ATP13A4: variants seen among roughly 807,000 people sequenced by gnomAD.
ATP13A4 encodes the protein probable cation-transporting ATPase 13A4.
A neutral mutation model predicts 142.5 loss-of-function variants in ATP13A4; 114 were observed. The observed-to-expected ratio is 0.80, with a 90% CI of 0.69 to 0.93. The LOEUF is 0.93. ATP13A4 is among the 40% of genes least tolerant of loss of function. The probability of loss-of-function intolerance (pLI) is 0.00; values close to 1 mark genes in which losing one functional copy is unlikely to be tolerated. For missense variants in ATP13A4, 1,392 were observed against 1,454.0 expected (o/e 0.96, Z 0.69); for synonymous variants, 488 against 514.8 (o/e 0.95, Z 0.70).
At chr3:193,442,361 T>TA (rs762930261) in intron 19 of ATP13A4, 32 bp downstream of exon 19, 11 of 1,599,016 alleles carry the variant, frequency 6.9e-6, no homozygotes, top group Non-Finnish European at 9.4e-6. Flanking sequence ...GACACATTGA[T>TA]AATGTGGCAG....
intron 27 of ATP13A4, among the ~76,000 whole-genome samples, chr3:193,411,758 C>T (rs1714777452): frequency 6.6e-6 from 1 of 152,152 alleles, no homozygotes; most frequent in Non-Finnish European, 1.5e-5. Context: ...CAGGCTGGAC[C>T]CACTAGCAGC....
In ATP13A4 at chr3:193,540,122, C is replaced by G. The variant is rs535583489; in HGVS notation, c.60+14618G>C. 2.6e-5 allele frequency among the ~76,000 whole-genome samples: 4 copies of G among 152,074 alleles called. No individual in the cohort carries two copies. The South Asian group carries it at 8.3e-4, about 32-fold the overall frequency. ...GGAATTTTCACTTTTATTTATTCCT[C>G]ATAGGGTAGGAACAGCAGGGAGAAG... On this transcript the variant is annotated intron_variant, in intron 1 of 29. Transcript: ENST00000342695.
chr3:193,403,010 G>T, intron 29 of ATP13A4, 146 bp from the exon 30 acceptor site: 1 of 751,136 alleles, frequency 1.3e-6, no homozygotes, highest in South Asian at 1.6e-5. Context: ...ATCTAAGGTG[G>T]TTTCATTGGA....
chr3:193,423,516 T>G (rs919738247), intron 25 of ATP13A4, among the ~76,000 whole-genome samples: 6 of 149,788 alleles, frequency 4.0e-5, no homozygotes, highest in African/African-American at 1.5e-4. Flanking sequence ...CACCCCAAGA[T>G]GCAAGGATGG....
chr3:193,484,122 TG>T, intron 7 of ATP13A4, 117 bp from the exon 8 acceptor site: 2 of 873,736 alleles, frequency 2.3e-6, no homozygotes, highest in Non-Finnish European at 3.8e-6. Context: ...TTGAATGGAA[TG>T]TACTGGCTAA....
chr3:193,514,957 G>C, intron 1 of ATP13A4, 86 bp from the exon 2 acceptor site: 2 of 1,460,802 alleles, frequency 1.4e-6, no homozygotes, highest in Non-Finnish European at 1.9e-6. Flanking sequence ...GATGGAAATG[G>C]GGGCAGAGTG....
At chr3:193,507,656 G>A (rs776440752) in intron 2 of ATP13A4, among the ~76,000 whole-genome samples, 33 of 152,290 alleles carry the variant, frequency 2.2e-4, no homozygotes, top group Non-Finnish European at 1.2e-4. Context: ...GGGATTTGGG[G>A]CTTGCTCATT....
chr3:193,431,994 T>C (rs1462866281), intron 25 of ATP13A4, among the ~76,000 whole-genome samples: 35 of 151,800 alleles, frequency 2.3e-4, no homozygotes, highest in Admixed American at 2.3e-3. Context: ...TACATAACTG[T>C]TTGGGAAGTT....
intron 2 of ATP13A4, among the ~76,000 whole-genome samples, chr3:193,576,806 A>G (rs1379131240): frequency 1.3e-5 from 2 of 152,158 alleles, no homozygotes; most frequent in Non-Finnish European, 2.9e-5. Context: ...CAACTCATAA[A>G]AGCATTCTAC....
chr3:193,433,976 T>C lies in ATP13A4; in HGVS notation c.2770-59A>G, dbSNP rs1716116809. On this transcript the variant is annotated intron_variant, in intron 24 of 29. Coordinates refer to ENST00000342695, the MANE Select transcript of ATP13A4 (RefSeq NM_032279.4). ...GTGACCTTCTGGATGAAATTAGATATTGATTACATTTATTTTCTCACTGTG... is the reference window on the plus strand; with the variant it reads ...GTGACCTTCTGGATGAAATTAGATACTGATTACATTTATTTTCTCACTGTG... 3 of 1,284,160 alleles carry C rather than the reference T, an allele frequency of 2.3e-6. No homozygotes were observed. In the Admixed American group the frequency reaches 5.0e-5, roughly 22 times the overall value. The allele number at this position is 1,284,160 out of a possible 1,614,324, so 79.5% of individuals were successfully genotyped here. A position where few individuals can be genotyped will look rare whatever the true frequency, so the allele number is the denominator to read the frequency against.
chr3:193,531,334 GGA>G (rs1333144247), intron 1 of ATP13A4, among the ~76,000 whole-genome samples: 6 of 131,394 alleles, frequency 4.6e-5, no homozygotes, highest in Admixed American at 3.8e-4. Context: ...AAGGAAGGAA[GGA>G]AGGGAGGAAG....
intron 26 of ATP13A4, 103 bp from the exon 27 acceptor site, chr3:193,412,474 T>G (rs1441081552): frequency 1.0e-6 from 1 of 984,614 alleles, no homozygotes; most frequent in African/African-American, 1.6e-5. Context: ...GAGCAGGCAC[T>G]CAATGCTTCT....
chr3:193,522,366 T>A (rs1721770098), intron 1 of ATP13A4, among the ~76,000 whole-genome samples: 1 of 152,218 alleles, frequency 6.6e-6, no homozygotes, highest in South Asian at 2.1e-4. Flanking sequence ...CTTTTTATTA[T>A]GTTCCAGTCA....
At chr3:193,551,072 C>A (rs1370623377) in intron 1 of ATP13A4, among the ~76,000 whole-genome samples, 1 of 152,154 alleles carries the variant, frequency 6.6e-6, no homozygotes, top group African/African-American at 2.4e-5. Flanking sequence ...TAGAAGATAA[C>A]CCAGCTCCTC....
At chr3:193,411,201 A>G in intron 27 of ATP13A4, 131 bp from the exon 28 acceptor site, 2 of 722,416 alleles carry the variant, frequency 2.8e-6, no homozygotes, top group Non-Finnish European at 5.0e-6. Flanking sequence ...CTAGATGGAA[A>G]GTATTCATTT....
At chr3:193,491,009 A>C (rs1015982834) in intron 6 of ATP13A4, among the ~76,000 whole-genome samples, 5 of 151,938 alleles carry the variant, frequency 3.3e-5, no homozygotes, top group Non-Finnish European at 7.4e-5. Flanking sequence ...GGATTAGCTT[A>C]AAAAAAATTG....
intron 1 of ATP13A4, among the ~76,000 whole-genome samples, chr3:193,545,533 C>A (rs984358264): frequency 6.6e-6 from 1 of 152,164 alleles, no homozygotes; most frequent in African/African-American, 2.4e-5. Context: ...TGGTTTCAGG[C>A]AGCTTACCAA....
At chr3:193,561,828 C>T (rs935140373) in intron 2 of ATP13A4, among the ~76,000 whole-genome samples, 2 of 152,210 alleles carry the variant, frequency 1.3e-5, no homozygotes, top group African/African-American at 2.4e-5. Context: ...TAATCTCTGT[C>T]CCAATGGAGG....
At chr3:193,483,834 T>C (rs1308194886) in intron 8 of ATP13A4, 102 bp downstream of exon 8, 6 of 1,043,150 alleles carry the variant, frequency 5.8e-6, no homozygotes, top group African/African-American at 3.2e-5. Context: ...TAAGGAGAAA[T>C]GAATATGAAG....
Sources: allele counts gnomAD v4.1 joint callset (sites outside exome capture counted in the v4.1 genomes callset), GRCh38; gene constraint gnomAD v4.1.1; transcripts MANE v1.5; gene names NCBI Gene and HGNC (gene_info 2026-07-23, HGNC 2026-07-21).